The following ADCY2 variants were observed in gnomAD, a reference collection of about 807,000 sequenced individuals.
ADCY2 encodes adenylate cyclase 2, also known as adenylate cyclase type 2.
A neutral mutation model predicts 125.2 loss-of-function variants in ADCY2; 31 were observed. The observed-to-expected ratio is 0.25, with a 90% CI of 0.19 to 0.33. ADCY2 has a LOEUF of 0.33. Among genes scored for constraint, ADCY2 ranks in the 10% least tolerant of loss-of-function variants. The probability of loss-of-function intolerance (pLI) is 1.00; values close to 1 mark genes in which losing one functional copy is unlikely to be tolerated. For synonymous variants in ADCY2, 512 were observed against 548.4 expected (o/e 0.93, Z 0.93); for missense variants, 904 against 1,418.2 (o/e 0.64, Z 5.82).
chr5:7,455,478 A>G (rs1234275405), intron 2 of ADCY2, among the ~76,000 whole-genome samples: 1 of 152,032 alleles, frequency 6.6e-6, no homozygotes, highest in East Asian at 1.9e-4. Flanking sequence ...TTATGTGATT[A>G]CCTATTCAAT....
At chr5:7,448,472 A>G in intron 2 of ADCY2, among the ~76,000 whole-genome samples, 1 of 146,808 alleles carries the variant, frequency 6.8e-6, no homozygotes, top group South Asian at 2.2e-4. Flanking sequence ...TTCATTCATT[A>G]TTTTTTTTTT....
intron 13 of ADCY2, among the ~76,000 whole-genome samples, chr5:7,725,148 T>C (rs1211485381): frequency 6.6e-6 from 1 of 152,226 alleles, no homozygotes; most frequent in African/African-American, 2.4e-5. Flanking sequence ...AGTTTTTACA[T>C]GTCAAGCTAT....
At chr5:7,719,438 C>G (rs1328563275) in intron 12 of ADCY2, among the ~76,000 whole-genome samples, 1 of 152,176 alleles carries the variant, frequency 6.6e-6, no homozygotes, top group African/African-American at 2.4e-5. Flanking sequence ...TCATTAACTC[C>G]TCTTGTTCTT....
chr5:7,595,599 A>T (rs1381267951), intron 3 of ADCY2, among the ~76,000 whole-genome samples: 1 of 152,138 alleles, frequency 6.6e-6, no homozygotes, highest in African/African-American at 2.4e-5. Flanking sequence ...CTAAGCTCTG[A>T]TGTCTCTACA....
intron 3 of ADCY2, among the ~76,000 whole-genome samples, chr5:7,557,542 A>G (rs1184523994): frequency 1.3e-5 from 2 of 151,968 alleles, no homozygotes; most frequent in Admixed American, 6.6e-5. Flanking sequence ...CCATCCTCCA[A>G]TAGGCCCCAG....
At chr5:7,515,931 G>A (rs1744238820) in intron 2 of ADCY2, among the ~76,000 whole-genome samples, 2 of 152,192 alleles carry the variant, frequency 1.3e-5, no homozygotes, top group South Asian at 4.2e-4. Context: ...GGTGGAGGCA[G>A]GGGAGGGTTT....
chr5:7,682,202 A>G (rs1412759367), intron 4 of ADCY2, among the ~76,000 whole-genome samples: 1 of 152,234 alleles, frequency 6.6e-6, no homozygotes, highest in Non-Finnish European at 1.5e-5. Flanking sequence ...TGTTGAGTGG[A>G]AGAAAGAATA....
intron 17 of ADCY2, among the ~76,000 whole-genome samples, chr5:7,767,554 A>C (rs185777172): frequency 1.3e-5 from 2 of 152,344 alleles, no homozygotes; most frequent in East Asian, 1.9e-4. Flanking sequence ...TGAAATTGGT[A>C]ATTTAATATG....
Position 7,468,375 on chromosome 5 carries a change from C to T in ADCY2, c.409-52363C>T, listed in dbSNP as rs180994130. Among the ~76,000 whole-genome samples, 10 of 152,162 alleles carry T rather than the reference C, an allele frequency of 6.6e-5. No homozygotes were observed. The East Asian group carries it at 1.9e-3, about 29-fold the overall frequency. ...TGGACTTGGCTAGGCCAGGACATTCCTAAAGAAAAGCTGCCCAGTAGGAGA... is the reference window on the plus strand; with the variant it reads ...TGGACTTGGCTAGGCCAGGACATTCTTAAAGAAAAGCTGCCCAGTAGGAGA... On this transcript the variant is annotated intron_variant, in intron 2 of 24. Transcript: ENST00000338316.
At chr5:7,416,323 C>T (rs1171641556) in intron 2 of ADCY2, among the ~76,000 whole-genome samples, 1 of 152,188 alleles carries the variant, frequency 6.6e-6, no homozygotes, top group Non-Finnish European at 1.5e-5. Context: ...CGGCGGGCGC[C>T]ATCACCTCTC....
intron 3 of ADCY2, among the ~76,000 whole-genome samples, chr5:7,566,243 C>A (rs1394941006): frequency 6.6e-6 from 1 of 152,116 alleles, no homozygotes; most frequent in Non-Finnish European, 1.5e-5. Flanking sequence ...AATCCCAACA[C>A]TAGGAGGCCA....
intron 2 of ADCY2, among the ~76,000 whole-genome samples, chr5:7,477,207 A>T (rs113842657): frequency 9.5e-5 from 13 of 136,870 alleles, no homozygotes; most frequent in African/African-American, 2.7e-4. Flanking sequence ...TGTTTTTTTT[A>T]AAAGAGACCC....
intron 4 of ADCY2, among the ~76,000 whole-genome samples, chr5:7,676,977 G>C (rs920151566): frequency 6.6e-6 from 1 of 152,120 alleles, no homozygotes. Context: ...CAGATTCACT[G>C]TAGAAATTCT....
At chr5:7,414,351 C>T (rs1739851498) in intron 1 of ADCY2, among the ~76,000 whole-genome samples, 1 of 152,050 alleles carries the variant, frequency 6.6e-6, no homozygotes, top group Non-Finnish European at 1.5e-5. Context: ...ATTGTTTGTC[C>T]TATTTTAAAT....
intron 4 of ADCY2, among the ~76,000 whole-genome samples, chr5:7,667,364 T>A (rs1039227809): frequency 6.6e-6 from 1 of 152,160 alleles, no homozygotes; most frequent in Non-Finnish European, 1.5e-5. Context: ...TCAGAAAGTT[T>A]CAGGCTAAAG....
At chr5:7,561,189 A>T (rs916905156) in intron 3 of ADCY2, among the ~76,000 whole-genome samples, 1 of 152,178 alleles carries the variant, frequency 6.6e-6, no homozygotes, top group Non-Finnish European at 1.5e-5. Flanking sequence ...TATTTTTTCA[A>T]TGCTTTTAAC....
At chr5:7,537,422 G>A (rs979115655) in intron 3 of ADCY2, among the ~76,000 whole-genome samples, 31 of 152,168 alleles carry the variant, frequency 2.0e-4, no homozygotes, top group Non-Finnish European at 1.2e-4. Context: ...CTCTGTCTCT[G>A]TAGATGGCAC....
intron 4 of ADCY2, among the ~76,000 whole-genome samples, chr5:7,658,431 G>GTATATATA (rs1554029046): frequency 9.1e-5 from 13 of 142,918 alleles, no homozygotes; most frequent in African/African-American, 3.1e-4. Flanking sequence ...GTGTGTGTGT[G>GTATATATA]TATATATATA....
chr5:7,586,265 A>G (rs1012129758), intron 3 of ADCY2, among the ~76,000 whole-genome samples: 38 of 152,330 alleles, frequency 2.5e-4, no homozygotes, highest in African/African-American at 9.1e-4. Context: ...AATCCATGGC[A>G]AGCTGATCAT....
Sources: gnomAD v4.1 joint callset for allele counts (sites outside exome capture counted in the v4.1 genomes callset) on GRCh38, gnomAD v4.1.1 for gene constraint, MANE v1.5 for transcripts, NCBI Gene and HGNC (gene_info 2026-07-23, HGNC 2026-07-21) for gene names.